CNTNAP2: variants seen among roughly 807,000 people sequenced by gnomAD.
CNTNAP2 encodes contactin associated protein 2.
A neutral mutation model predicts 155.2 loss-of-function variants in CNTNAP2; 98 were observed. That is an observed-to-expected ratio of 0.63 (90% CI 0.54 to 0.75). CNTNAP2 has a LOEUF of 0.75. Among genes scored for constraint, CNTNAP2 ranks in the 30% least tolerant of loss-of-function variants. CNTNAP2 has a pLI of 0.00. For synonymous variants in CNTNAP2, 651 were observed against 631.2 expected, an observed-to-expected ratio of 1.03 and a Z score of -0.47; for missense variants, 1,727 against 1,688.1, an observed-to-expected ratio of 1.02 and a Z score of -0.40.
At chr7:146,251,097 T>C (rs1446507036) in intron 1 of CNTNAP2, among the ~76,000 whole-genome samples, 3 of 152,158 alleles carry the variant, frequency 2.0e-5, no homozygotes, top group Non-Finnish European at 4.4e-5. Context: ...AGATATTATA[T>C]CTAGTTTTTA....
In CNTNAP2 at chr7:147,589,619, G is replaced by A. The variant is rs1356207418; in HGVS notation, c.1897+27362G>A. On this transcript the variant is annotated intron_variant, in intron 12 of 23. Transcript: ENST00000361727. Reference sequence around the variant, plus strand: ...ATGTGTATCATGCTGTATATAACATGACATAATATTGCCAAGACTCATCCA... The same window carrying A: ...ATGTGTATCATGCTGTATATAACATAACATAATATTGCCAAGACTCATCCA... Among the ~76,000 whole-genome samples, 5 of 152,112 alleles carry A rather than the reference G, an allele frequency of 3.3e-5. No homozygotes were observed. In the South Asian group the frequency reaches 6.2e-4, roughly 19 times the overall value.
intron 20 of CNTNAP2, among the ~76,000 whole-genome samples, chr7:148,258,554 G>T (rs1796498167): frequency 6.6e-6 from 1 of 152,110 alleles, no homozygotes; most frequent in African/African-American, 2.4e-5. Context: ...GAAAGAGATG[G>T]TCTCCACTCT....
chr7:147,529,558 A>G (rs1174726694), intron 11 of CNTNAP2, among the ~76,000 whole-genome samples: 3 of 149,978 alleles, frequency 2.0e-5, no homozygotes, highest in Non-Finnish European at 4.4e-5. Context: ...TTTGGTTTCT[A>G]TTTTCTTGTT....
intron 3 of CNTNAP2, among the ~76,000 whole-genome samples, chr7:146,887,457 T>C (rs1015046025): frequency 2.0e-5 from 3 of 152,160 alleles, no homozygotes; most frequent in African/African-American, 7.2e-5. Flanking sequence ...ATGTCATAAG[T>C]ACATGGTTTT....
Position 146,968,004 on chromosome 7 carries a change from G to C in CNTNAP2, c.403-75903G>C, listed in dbSNP as rs28866582. Among the ~76,000 whole-genome samples the C allele has an allele frequency of 6.0e-3, 831 of 138,018 alleles. 11 individuals carry two copies. Among genetic ancestry groups the C allele is most frequent in the African/African-American group, 0.02 (775 of 37,926 alleles). The allele number at this position is 138,018 out of a possible 152,430, so 90.5% of individuals were successfully genotyped here. On this transcript the variant is annotated intron_variant, in intron 3 of 23. Coordinates refer to ENST00000361727, the MANE Select transcript of CNTNAP2 (RefSeq NM_014141.6). ...GTCCCATCAATACCTAATTTATTGA[G>C]AGTTTTTAGCATGAAGCGGTGTTGA... is the stretch of plus-strand genomic sequence containing the variant.
At chr7:147,909,547 C>A (rs543818516) in intron 14 of CNTNAP2, among the ~76,000 whole-genome samples, 1 of 152,052 alleles carries the variant, frequency 6.6e-6, no homozygotes, top group African/African-American at 2.4e-5. Context: ...AGAAGTTTTG[C>A]GCAGTTATTT....
At chr7:147,673,350 A>G (rs142320294) in intron 13 of CNTNAP2, among the ~76,000 whole-genome samples, 168 of 152,302 alleles carry the variant, frequency 1.1e-3, no homozygotes, top group African/African-American at 3.8e-3. Context: ...GCGCTGTGCT[A>G]TTACATACAT....
At chr7:147,782,087 G>A (rs1382350334) in intron 13 of CNTNAP2, among the ~76,000 whole-genome samples, 1 of 151,828 alleles carries the variant, frequency 6.6e-6, no homozygotes, top group Non-Finnish European at 1.5e-5. Context: ...TCTAAAGGGG[G>A]CCAGGATGTT....
intron 1 of CNTNAP2, among the ~76,000 whole-genome samples, chr7:146,612,538 G>C (rs1259583058): frequency 6.6e-6 from 1 of 152,058 alleles, no homozygotes; most frequent in Non-Finnish European, 1.5e-5. Flanking sequence ...ATTCTTGTTG[G>C]CAGACCTTAT....
At chr7:146,755,422 G>A (rs1801979331) in intron 1 of CNTNAP2, among the ~76,000 whole-genome samples, 1 of 151,962 alleles carries the variant, frequency 6.6e-6, no homozygotes, top group Non-Finnish European at 1.5e-5. Flanking sequence ...GTATACAGTG[G>A]CATTTGAAGA....
At chr7:147,194,748 G>A (rs1306525615) in intron 8 of CNTNAP2, among the ~76,000 whole-genome samples, 3 of 152,100 alleles carry the variant, frequency 2.0e-5, no homozygotes, top group African/African-American at 7.2e-5. Flanking sequence ...CATATCCTTT[G>A]CCCACTTTTT....
intron 13 of CNTNAP2, among the ~76,000 whole-genome samples, chr7:147,898,256 C>T (rs964035462): frequency 3.3e-5 from 5 of 152,204 alleles, no homozygotes; most frequent in Non-Finnish European, 5.9e-5. Flanking sequence ...CCTGTTCATT[C>T]TCAACTTTAA....
intron 3 of CNTNAP2, among the ~76,000 whole-genome samples, chr7:147,025,818 T>A (rs1036157565): frequency 2.6e-5 from 4 of 151,814 alleles, no homozygotes; most frequent in Non-Finnish European, 5.9e-5. Context: ...GCTAAATGCA[T>A]GTGCTTGTTT....
intron 13 of CNTNAP2, among the ~76,000 whole-genome samples, chr7:147,656,376 C>T (rs377467242): frequency 5.3e-5 from 8 of 152,316 alleles, no homozygotes; most frequent in African/African-American, 1.9e-4. Flanking sequence ...GACATGTCTT[C>T]CTCACTAAGC....
intron 12 of CNTNAP2, among the ~76,000 whole-genome samples, chr7:147,612,692 C>T (rs1801210893): frequency 6.6e-6 from 1 of 152,172 alleles, no homozygotes; most frequent in Admixed American, 6.5e-5. Flanking sequence ...TGATCCACCA[C>T]ACCCAGTCAA....
intron 2 of CNTNAP2, among the ~76,000 whole-genome samples, chr7:146,805,826 T>C (rs1456237722): frequency 2.6e-5 from 4 of 152,228 alleles, no homozygotes; most frequent in Admixed American, 2.6e-4. Flanking sequence ...GTATTAGTCT[T>C]CCTATTATTA....
rs17170699 is a variant in CNTNAP2, at chr7:147,852,039, G to C, written c.2099-51526G>C. Among the ~76,000 whole-genome samples, 607 of 152,246 alleles carry C rather than the reference G, an allele frequency of 4.0e-3. 8 individuals are homozygous for C. The highest frequency in any genetic ancestry group is 0.034 in the East Asian group (175 of 5,172). ...TTATCCTGGGTCCCAAAATATAGTTGCTTGAAAAAGTCTATATTGCGACCT... is the reference window on the plus strand; with the variant it reads ...TTATCCTGGGTCCCAAAATATAGTTCCTTGAAAAAGTCTATATTGCGACCT... On this transcript the variant is annotated intron_variant, in intron 13 of 23. Transcript: ENST00000361727.
chr7:148,043,713 C>A (rs958526569), intron 15 of CNTNAP2, among the ~76,000 whole-genome samples: 1 of 152,162 alleles, frequency 6.6e-6, no homozygotes, highest in Non-Finnish European at 1.5e-5. Context: ...GAAAGTCTCT[C>A]GTATTTTCGT....
chr7:146,636,728 A>G (rs1262923262), intron 1 of CNTNAP2, among the ~76,000 whole-genome samples: 1 of 152,242 alleles, frequency 6.6e-6, no homozygotes, highest in Non-Finnish European at 1.5e-5. Flanking sequence ...ATACACACAG[A>G]TCACTCTGGT....
Sources: allele counts gnomAD v4.1 joint callset (sites outside exome capture counted in the v4.1 genomes callset), GRCh38; gene constraint gnomAD v4.1.1; transcripts MANE v1.5; gene names NCBI Gene and HGNC (gene_info 2026-07-23, HGNC 2026-07-21).